The following RAI1 variants were observed in gnomAD, a reference collection of about 807,000 sequenced individuals.
The protein encoded by RAI1 is retinoic acid-induced protein 1.
In RAI1, 9 loss-of-function variants were observed where a neutral mutation model predicts 123.8. The ratio of observed to expected loss-of-function variants is 0.07; its 90% confidence interval spans 0.04 to 0.13. The LOEUF is 0.13. Among genes scored for constraint, RAI1 ranks in the 10% least tolerant of loss-of-function variants. The pLI is 1.00. For missense variants in RAI1, 2,256 were observed against 2,545.8 expected (o/e 0.89, Z 2.45); for synonymous variants, 1,231 against 1,127.3 (o/e 1.09, Z -1.84).
chr17:17,782,282 A>G (rs1163753942), intron 2 of RAI1: 1 of 151,966 alleles, frequency 6.6e-6, no homozygotes, highest in Admixed American at 6.5e-5. Context: ...AGGCAGATAT[A>G]GAAAGGGGGG....
intron 2 of RAI1, among the ~76,000 whole-genome samples, chr17:17,735,070 C>G (rs1288067812): frequency 7.0e-6 from 1 of 143,414 alleles, no homozygotes; most frequent in Admixed American, 6.9e-5. Context: ...TTTTTTTTTT[C>G]GAGACGGAGT....
intron 2 of RAI1, among the ~76,000 whole-genome samples, chr17:17,771,162 G>A (rs1049935918): frequency 6.6e-6 from 1 of 152,206 alleles, no homozygotes; most frequent in African/African-American, 2.4e-5. Flanking sequence ...TCATGAAGAA[G>A]GGCCCTAGGA....
intron 1 of RAI1, among the ~76,000 whole-genome samples, chr17:17,695,562 T>C (rs1302856460): frequency 6.6e-6 from 1 of 151,890 alleles, no homozygotes; most frequent in Admixed American, 6.5e-5. Flanking sequence ...AGTCTCCCTT[T>C]GTCGCCCAGG....
intron 1 of RAI1, among the ~76,000 whole-genome samples, chr17:17,691,067 C>T (rs1290434017): frequency 6.6e-6 from 1 of 152,182 alleles, no homozygotes; most frequent in South Asian, 2.1e-4. Flanking sequence ...AATAAAATCA[C>T]ATGTTCTATT....
At chr17:17,718,339 C>T (rs1052639662) in intron 1 of RAI1, among the ~76,000 whole-genome samples, 9 of 152,156 alleles carry the variant, frequency 5.9e-5, no homozygotes, top group South Asian at 2.1e-4. Flanking sequence ...TCTGTACTCC[C>T]GATGCTCTCC....
chr17:17,770,270 C>G (rs551014294), intron 2 of RAI1, among the ~76,000 whole-genome samples: 1 of 150,106 alleles, frequency 6.7e-6, no homozygotes, highest in Non-Finnish European at 1.5e-5. Context: ...CAAAGGCAGG[C>G]GGGGGCAGGG....
At chr17:17,728,179 A>G (rs1471569005) in intron 2 of RAI1, among the ~76,000 whole-genome samples, 3 of 151,692 alleles carry the variant, frequency 2.0e-5, no homozygotes, top group Non-Finnish European at 4.4e-5. Context: ...GCATGTGTGC[A>G]TGTCTGTGTG....
In RAI1 at chr17:17,810,692, G is replaced by A. The variant is rs2032727237; in HGVS notation, c.*711G>A. The A allele has an allele frequency of 2.6e-6, 1 of 389,198 alleles. No individual in the cohort carries two copies. Among genetic ancestry groups the A allele is most frequent in the Admixed American group, 2.8e-5 (1 of 35,300 alleles). The allele number at this position is 389,198 out of a possible 1,614,324, so 24.1% of individuals were successfully genotyped here. A position where few individuals can be genotyped will look rare whatever the true frequency, so the allele number is the denominator to read the frequency against. On this transcript the variant is annotated 3_prime_UTR_variant, in exon 6 of 6. Coordinates refer to ENST00000353383, the MANE Select transcript of RAI1 (RefSeq NM_030665.4). This position sits in a 1 kb window ranked among gnomAD's most constrained non-coding sequence, Gnocchi z 4.6. ...GGTTGCGGGATCCCCGAGTGTGGGC[G>A]GGACTGGGACACCCTTTGGCCTCTG...
chr17:17,780,876 C>A (rs1275611825), intron 2 of RAI1, among the ~76,000 whole-genome samples: 4 of 152,216 alleles, frequency 2.6e-5, no homozygotes, highest in African/African-American at 9.7e-5. Flanking sequence ...GTGTCCCTGT[C>A]TCTCCCCTTC....
rs979073178 is a variant in RAI1 at position 17,810,785 on chromosome 17, G to A, written c.*804G>A. 1.5e-5 allele frequency: 7 copies of A among 454,736 alleles called. No homozygotes were observed. Among genetic ancestry groups the A allele is most frequent in the Non-Finnish European group, 2.7e-5 (6 of 225,650 alleles). 28.2% of individuals were successfully genotyped at this position (454,736 alleles called of 1,614,324 possible). A position where few individuals can be genotyped will look rare whatever the true frequency, so the allele number is the denominator to read the frequency against. On this transcript the variant is annotated 3_prime_UTR_variant, in exon 6 of 6. Transcript: ENST00000353383. The surrounding 1 kb of genome is among the most constrained non-coding windows in gnomAD (Gnocchi z 4.6). ...CCTGGGAGCGCAAAACCCAAGAAGC[G>A]GCCAGAACGCACCTCCGGCTCCGGC...
chr17:17,779,329 G>A (rs2031475408), intron 2 of RAI1: 1 of 220,632 alleles, frequency 4.5e-6, no homozygotes, highest in African/African-American at 2.3e-5. Context: ...GGGGGCAGCG[G>A]GGCGGCCATC....
intron 1 of RAI1, among the ~76,000 whole-genome samples, chr17:17,694,756 G>C (rs1444254401): frequency 1.3e-5 from 2 of 150,070 alleles, no homozygotes; most frequent in Admixed American, 6.6e-5. Flanking sequence ...AGGCCAGGCG[G>C]GGGGCGAGGC....
At chr17:17,721,316 G>C (rs1325765908) in intron 1 of RAI1, among the ~76,000 whole-genome samples, 1 of 152,208 alleles carries the variant, frequency 6.6e-6, no homozygotes, top group Non-Finnish European at 1.5e-5. Context: ...CTTATGGAAT[G>C]TATACCAGGA....
chr17:17,752,080 C>G lies in RAI1; in HGVS notation c.-17+27921C>G, dbSNP rs370246416. On this transcript the variant is annotated intron_variant, in intron 2 of 5. Coordinates refer to ENST00000353383, the MANE Select transcript of RAI1 (RefSeq NM_030665.4). ...ATTCAGCCCTGGGCAAAACGTGACC[C>G]CATTTCACAGACTAGGAAGTGGAGG... is the stretch of plus-strand genomic sequence containing the variant. 6.7e-4 allele frequency among the ~76,000 whole-genome samples: 102 copies of G among 152,316 alleles called. 1 individual carries two copies. The East Asian group carries it at 0.013, about 20-fold the overall frequency.
rs114244230 is a variant in RAI1 at position 17,774,160 on chromosome 17, C to T, written c.-16-18773C>T. On this transcript the variant is annotated intron_variant, in intron 2 of 5. Transcript: ENST00000353383. ...GTCTGGTAGGTGTGGGAATTAGCCC[C>T]GAGGATGCTGATGACAAAGCATTTC... 2.6e-3 allele frequency among the ~76,000 whole-genome samples: 401 copies of T among 152,298 alleles called. 2 individuals are homozygous for T. The highest frequency in any genetic ancestry group is 9.1e-3 in the African/African-American group (378 of 41,556).
rs547525778 is a variant in RAI1 at position 17,770,178 on chromosome 17, G to A, written c.-16-22755G>A. Among the ~76,000 whole-genome samples the A allele has an allele frequency of 7.2e-5, 11 of 152,218 alleles. No homozygotes were observed. The East Asian group carries it at 2.2e-3, about 30-fold the overall frequency. On this transcript the variant is annotated intron_variant, in intron 2 of 5. Transcript: ENST00000353383. ...GCCATCCTGAGTGAGGCCTCTGGCC[G>A]GGGTGCAGGATCCTTGTCTACCTGC...
intron 3 of RAI1, among the ~76,000 whole-genome samples, chr17:17,803,127 A>G (rs112586279): frequency 1.3e-5 from 2 of 150,080 alleles, no homozygotes; most frequent in Non-Finnish European, 3.0e-5. Context: ...GTGGGCAAGG[A>G]CACACACCAC....
intron 2 of RAI1, among the ~76,000 whole-genome samples, chr17:17,745,003 G>A (rs1249143266): frequency 6.6e-6 from 1 of 152,054 alleles, no homozygotes; most frequent in African/African-American, 2.4e-5. Context: ...TGCTGTTAGG[G>A]GCTCTCACAG....
chr17:17,686,061 G>A (rs1914617559), intron 1 of RAI1, among the ~76,000 whole-genome samples: 1 of 152,252 alleles, frequency 6.6e-6, no homozygotes, highest in Non-Finnish European at 1.5e-5. Context: ...TTCTGCCAGT[G>A]TCTGTCCTCC....
Sources: gnomAD v4.1 joint callset for allele counts (sites outside exome capture counted in the v4.1 genomes callset) on GRCh38, gnomAD v4.1.1 for gene constraint, Gnocchi (gnomAD v3.1) non-coding constraint, MANE v1.5 for transcripts, NCBI Gene and HGNC (gene_info 2026-07-23, HGNC 2026-07-21) for gene names.